The following OR5B2 variants were observed in gnomAD, a reference collection of about 807,000 sequenced individuals.
OR5B2 encodes olfactory receptor 5B2.
For missense variants in OR5B2, 411 were observed against 367.0 expected (o/e 1.12, Z -0.98); for synonymous variants, 163 against 140.8 (o/e 1.16, Z -1.11).
intron 2 of OR5B2, among the ~76,000 whole-genome samples, chr11:58,426,301 T>G (rs1015655032): frequency 2.0e-5 from 3 of 151,942 alleles, no homozygotes; most frequent in Admixed American, 6.6e-5. Context: ...CCATTAGTTA[T>G]TTTTTTTCTG....
chr11:58,424,083 C>G (rs1195204969), intron 2 of OR5B2, among the ~76,000 whole-genome samples: 5 of 152,108 alleles, frequency 3.3e-5, no homozygotes, highest in Non-Finnish European at 7.4e-5. Context: ...CAGCATTGGT[C>G]CCACACTAAC....
chr11:58,427,750 A>T (rs1291894644), intron 1 of OR5B2, among the ~76,000 whole-genome samples: 1 of 152,156 alleles, frequency 6.6e-6, no homozygotes, highest in African/African-American at 2.4e-5. Flanking sequence ...GTGCTCCACA[A>T]TACACATACC....
Position 58,422,214 on chromosome 11 carries a change from A to C in OR5B2, c.*118T>G, listed in dbSNP as rs895543981. The C allele has an allele frequency of 1.5e-5, 9 of 603,016 alleles. No individual in the cohort carries two copies. The Admixed American group carries it at 1.8e-4, about 12-fold the overall frequency. The allele number at this position is 603,016 out of a possible 1,614,324, so 37.4% of individuals were successfully genotyped here. ...AAAATTGACTTCTAAAGAGGTAAGAATATCACCTCATGAACTTAAATGTAT... is the reference window on the plus strand; with the variant it reads ...AAAATTGACTTCTAAAGAGGTAAGACTATCACCTCATGAACTTAAATGTAT... On this transcript the variant is annotated 3_prime_UTR_variant, in exon 3 of 3. Coordinates refer to ENST00000641342, the MANE Select transcript of OR5B2 (RefSeq NM_001005566.3).
At chr11:58,423,538 T>C (rs1185527537) in intron 2 of OR5B2, among the ~76,000 whole-genome samples, 1 of 152,138 alleles carries the variant, frequency 6.6e-6, no homozygotes, top group Non-Finnish European at 1.5e-5. Flanking sequence ...CTATGTAGTA[T>C]ATTTAATGAT....
intron 1 of OR5B2, among the ~76,000 whole-genome samples, chr11:58,427,477 C>G (rs938737205): frequency 2.0e-5 from 3 of 152,152 alleles, no homozygotes; most frequent in African/African-American, 7.2e-5. Flanking sequence ...TGTATAAACA[C>G]TTACGCACTT....
In OR5B2 at chr11:58,422,326, C is replaced by A; in HGVS notation, c.*6G>T. ...TTGTGTATACAACAATGTTAAAATT[C>A]CAAACTTATAGAAATTTTTGCCTTC... is the stretch of plus-strand genomic sequence containing the variant. On this transcript the variant is annotated 3_prime_UTR_variant, in exon 3 of 3. Coordinates refer to ENST00000641342, the MANE Select transcript of OR5B2 (RefSeq NM_001005566.3). The A allele has an allele frequency of 1.9e-6, 3 of 1,582,836 alleles. No homozygotes were observed. The highest frequency in any genetic ancestry group is 2.6e-6 in the Non-Finnish European group (3 of 1,155,018).
intron 1 of OR5B2, 92 bp from the exon 2 acceptor site, chr11:58,426,768 T>C (rs1000199245): frequency 6.6e-6 from 1 of 152,090 alleles, no homozygotes; most frequent in Non-Finnish European, 1.5e-5. Flanking sequence ...GAGGGAGATT[T>C]AAGGAAAAAG....
In OR5B2 at chr11:58,428,007, T is replaced by C. The variant is rs1340269151; in HGVS notation, c.-84+12A>G. The C allele has an allele frequency of 6.6e-6, 1 of 152,418 alleles. No homozygotes were observed. The highest frequency in any genetic ancestry group is 1.5e-5 in the Non-Finnish European group (1 of 68,238). 9.4% of individuals were successfully genotyped at this position (152,418 alleles called of 1,614,324 possible). ...GTTTGTAGAGTTGTTAGCCAGAGAT[T>C]TGTGATCTTACCTTGATTGGAGGAG... On this transcript the variant is annotated intron_variant, in intron 1 of 2. Coordinates refer to ENST00000641342, the MANE Select transcript of OR5B2 (RefSeq NM_001005566.3).
At chr11:58,424,749 T>C (rs1373790339) in intron 2 of OR5B2, among the ~76,000 whole-genome samples, 1 of 152,130 alleles carries the variant, frequency 6.6e-6, no homozygotes, top group African/African-American at 2.4e-5. Flanking sequence ...GCCTACTGTC[T>C]TTCCACACTG....
At position 58,422,036 on chromosome 11, in the gene OR5B2, A is replaced by C. The variant is rs1412729660; in HGVS notation, c.*296T>G. ...GTCCCTGTTTAACAAGTATGTTTGCACTGGAATGTGGTAGAAAAAATGCAA... is the reference window on the plus strand; with the variant it reads ...GTCCCTGTTTAACAAGTATGTTTGCCCTGGAATGTGGTAGAAAAAATGCAA... On this transcript the variant is annotated 3_prime_UTR_variant, in exon 3 of 3. Transcript: ENST00000641342. 1 of 228,668 alleles carries C rather than the reference A, an allele frequency of 4.4e-6. No homozygotes were observed. The highest frequency in any genetic ancestry group is 8.6e-6 in the Non-Finnish European group (1 of 116,544). 14.2% of individuals were successfully genotyped at this position (228,668 alleles called of 1,614,324 possible).
At chr11:58,424,611 C>T (rs1355021331) in intron 2 of OR5B2, among the ~76,000 whole-genome samples, 2 of 151,988 alleles carry the variant, frequency 1.3e-5, no homozygotes, top group Admixed American at 1.3e-4. Context: ...CTTTAGTCTG[C>T]AGATCTGTTT....
In OR5B2 at chr11:58,422,166, T is replaced by C. The variant is rs1016287895; in HGVS notation, c.*166A>G. The C allele has an allele frequency of 1.2e-5, 6 of 499,036 alleles. No individual in the cohort carries two copies. The Admixed American group carries it at 1.4e-4, about 12-fold the overall frequency. 30.9% of individuals were successfully genotyped at this position (499,036 alleles called of 1,614,324 possible). ...CTTCCTCATTCAGGTATTACATTTC[T>C]GATAATATTTTATTTTTATTAAAAA... is the stretch of plus-strand genomic sequence containing the variant. On this transcript the variant is annotated 3_prime_UTR_variant, in exon 3 of 3. Transcript: ENST00000641342.
At chr11:58,423,352 A>T (rs2119938536) in intron 2 of OR5B2, 63 bp from the exon 3 acceptor site, 1 of 716,260 alleles carries the variant, frequency 1.4e-6, no homozygotes, top group South Asian at 2.3e-5. Context: ...GAAATATATA[A>T]ATACTATATG....
chr11:58,423,376 T>C (rs1326613607), intron 2 of OR5B2, 87 bp from the exon 3 acceptor site: 3 of 578,314 alleles, frequency 5.2e-6, no homozygotes, highest in Non-Finnish European at 8.6e-6. Flanking sequence ...TATGTAATTA[T>C]AGCAACAATT....
At chr11:58,424,311 G>C (rs1251845377) in intron 2 of OR5B2, among the ~76,000 whole-genome samples, 2 of 152,000 alleles carry the variant, frequency 1.3e-5, no homozygotes, top group East Asian at 3.9e-4. Flanking sequence ...TTTGTGTGTT[G>C]GTAAATTTTG....
At chr11:58,426,502 A>T (rs1337297753) in intron 2 of OR5B2, 120 bp downstream of exon 2, 2 of 152,140 alleles carry the variant, frequency 1.3e-5, no homozygotes, top group South Asian at 4.1e-4. Context: ...TGAAAATATT[A>T]AAAGCTGGGA....
intron 1 of OR5B2, among the ~76,000 whole-genome samples, 185 bp from the exon 2 acceptor site, chr11:58,426,861 T>G (rs1164582531): frequency 6.6e-6 from 1 of 152,132 alleles, no homozygotes; most frequent in Non-Finnish European, 1.5e-5. Flanking sequence ...AGTCTCTGAA[T>G]GCACTCTGTA....
Position 58,422,830 on chromosome 11 carries a change from T to A in OR5B2, c.432A>T (p.Leu144=), listed in dbSNP as rs760678048. 5 of 1,613,660 alleles carry A rather than the reference T, an allele frequency of 3.1e-6. No individual in the cohort carries two copies. In the Admixed American group the frequency reaches 8.3e-5, roughly 27 times the overall value. Residue 144 remains leucine, a synonymous_variant, in exon 3 of 3, where the codon CTA becomes CTT. Coordinates refer to ENST00000641342, the MANE Select transcript of OR5B2 (RefSeq NM_001005566.3). Reference sequence around the variant, plus strand: ...TTAGGAAGCCACAGACATATGAGCCTAGGGCCAGACAGGCACCTACACTGG... The same window carrying A: ...TTAGGAAGCCACAGACATATGAGCCAAGGGCCAGACAGGCACCTACACTGG... ...MTASVGACLA[L]GSYVCGFLNA...
chr11:58,422,920 G>A lies in OR5B2; in HGVS notation c.342C>T (p.Ala114=). Residue 114 remains alanine, a synonymous_variant, in exon 3 of 3, where the codon GCC becomes GCT. Transcript: ENST00000641342. ...CTGCATAGCGGTCATAGGCCATTGA[G>A]GCCAACAAGTAATTTTCCACCGTGG... is the stretch of plus-strand genomic sequence containing the variant. ...ALATVENYLL[A]SMAYDRYAAV... 6.2e-7 allele frequency: 1 copy of A among 1,613,818 alleles called. No individual in the cohort carries two copies. The highest frequency in any genetic ancestry group is 8.5e-7 in the Non-Finnish European group (1 of 1,179,862).
Sources: allele counts gnomAD v4.1 joint callset (sites outside exome capture counted in the v4.1 genomes callset), GRCh38; gene constraint gnomAD v4.1.1; transcripts MANE v1.5; gene names NCBI Gene and HGNC (gene_info 2026-07-23, HGNC 2026-07-21).